Variants in IGF1R observed in about 807,000 individuals in gnomAD.
The protein encoded by IGF1R is insulin like growth factor 1 receptor, also known as insulin-like growth factor 1 receptor.
In IGF1R, 44 loss-of-function variants were observed where a neutral mutation model predicts 144.6. That is an observed-to-expected ratio of 0.30 (90% CI 0.24 to 0.39). The LOEUF is 0.39. IGF1R is among the 10% of genes least tolerant of loss of function. IGF1R has a pLI of 1.00. For missense variants in IGF1R, 1,355 were observed against 1,833.7 expected (o/e 0.74, Z 4.77); for synonymous variants, 795 against 722.8 (o/e 1.10, Z -1.60).
chr15:98,783,481 A>G (rs975862023), intron 2 of IGF1R, among the ~76,000 whole-genome samples: 1 of 152,162 alleles, frequency 6.6e-6, no homozygotes, highest in African/African-American at 2.4e-5. Flanking sequence ...GTGTTTATCA[A>G]TAGTTTGTTT....
rs2017143262 is a variant in IGF1R, at chr15:98,959,562, C to T, written c.*2120C>T. The T allele has an allele frequency of 8.6e-6, 2 of 233,628 alleles. No homozygotes were observed. The highest frequency in any genetic ancestry group is 1.7e-5 in the Non-Finnish European group (2 of 118,030). 14.5% of individuals were successfully genotyped at this position (233,628 alleles called of 1,614,324 possible). ...GGCCCAAGAGCCCCTTTGCTTCTTG[C>T]TGGGGGACCAGGGCTGTGGTGCTGG... On this transcript the variant is annotated 3_prime_UTR_variant, in exon 21 of 21. Coordinates refer to ENST00000650285, the MANE Select transcript of IGF1R (RefSeq NM_000875.5).
rs906092584 is a variant in IGF1R at position 98,648,765 on chromosome 15, C to T, written c.-817C>T. ...CCCGGATCCCCCCGCGCCCTCCACG[C>T]CCCTCCCGCGCGGGGGCAGCTCCAC... On this transcript the variant is annotated 5_prime_UTR_variant, in exon 1 of 21. Transcript: ENST00000650285. 2.7e-5 allele frequency among the ~76,000 whole-genome samples: 4 copies of T among 147,138 alleles called. No individual in the cohort carries two copies. Among genetic ancestry groups the T allele is most frequent in the Non-Finnish European group, 6.0e-5 (4 of 66,280 alleles).
At chr15:98,701,380 A>G (rs1187347975) in intron 1 of IGF1R, among the ~76,000 whole-genome samples, 1 of 118,560 alleles carries the variant, frequency 8.4e-6, no homozygotes, top group African/African-American at 3.4e-5. Context: ...TCTGTCACCC[A>G]GGCTGGAGTG....
At chr15:98,650,571 C>T (rs1596139595) in intron 1 of IGF1R, among the ~76,000 whole-genome samples, 1 of 152,196 alleles carries the variant, frequency 6.6e-6, no homozygotes. Flanking sequence ...GGTGTGTGGT[C>T]GGAGCCGACG....
chr15:98,939,281 C>G lies in IGF1R; in HGVS notation c.3378C>G (p.Leu1126=). The change falls in exon 18 of 21, where the codon CTC becomes CTG. Residue 1126 remains leucine (L), a synonymous_variant. Transcript: ENST00000650285. The part of the protein sequence containing the change: ...AGEIADGMAY[L]NANKFVHRDL... ...AGATTGCAGACGGCATGGCATACCTCAACGCCAATAAGTTCGTCCACAGAG... is the reference window on the plus strand; with the variant it reads ...AGATTGCAGACGGCATGGCATACCTGAACGCCAATAAGTTCGTCCACAGAG... 6.2e-7 allele frequency: 1 copy of G among 1,613,752 alleles called. No homozygotes were observed.
Position 98,661,956 on chromosome 15 carries a change from C to CTTTT in IGF1R, c.94+12304_94+12307dup, listed in dbSNP as rs869208651. 1.6e-3 allele frequency among the ~76,000 whole-genome samples: 164 copies of CTTTT among 105,712 alleles called. 15 individuals carry two copies. The highest frequency in any genetic ancestry group is 6.9e-3 in the African/African-American group (154 of 22,332). 69.4% of individuals were successfully genotyped at this position (105,712 alleles called of 152,430 possible). ...GAATTGCTGCCAGTTGAATAGGGCCCTTTTTTTTTTTTTTTTTTTTTTTTT... is the reference window on the plus strand; with the variant it reads ...GAATTGCTGCCAGTTGAATAGGGCCCTTTTTTTTTTTTTTTTTTTTTTTTTTTTT... On this transcript the variant is annotated intron_variant, in intron 1 of 20. Transcript: ENST00000650285.
intron 2 of IGF1R, among the ~76,000 whole-genome samples, chr15:98,762,302 C>T (rs768283270): frequency 2.1e-4 from 30 of 145,426 alleles, no homozygotes; most frequent in Non-Finnish European, 3.9e-4. Context: ...CACTGGCACG[C>T]GCATAGCCCA....
At chr15:98,821,132 A>G (rs2056793851) in intron 2 of IGF1R, among the ~76,000 whole-genome samples, 2 of 152,198 alleles carry the variant, frequency 1.3e-5, no homozygotes, top group Admixed American at 1.3e-4. Context: ...AAAATGAAGA[A>G]AAACAAAAAT....
rs952189154 is a variant in IGF1R, at chr15:98,653,504, A to G, written c.94+3829A>G. Among the ~76,000 whole-genome samples, 32 of 152,326 alleles carry G rather than the reference A, an allele frequency of 2.1e-4. 1 individual carries two copies. The highest frequency in any genetic ancestry group is 3.4e-4 in the Non-Finnish European group (23 of 68,026). On this transcript the variant is annotated intron_variant, in intron 1 of 20. Transcript: ENST00000650285. ...TTTGCAGTTTTATTTTATTTCTTACATAGTTCCAGGGTCTGAGCAGGAGAA... is the reference window on the plus strand; with the variant it reads ...TTTGCAGTTTTATTTTATTTCTTACGTAGTTCCAGGGTCTGAGCAGGAGAA...
chr15:98,673,504 TTTAG>T (rs1477600287), intron 1 of IGF1R, among the ~76,000 whole-genome samples: 1 of 152,242 alleles, frequency 6.6e-6, no homozygotes, highest in African/African-American at 2.4e-5. Context: ...GCAGTGACTT[TTTAG>T]TTGTTTCATT....
chr15:98,874,429 C>G lies in IGF1R; in HGVS notation c.641-16896C>G, dbSNP rs1596382890. Among the ~76,000 whole-genome samples the G allele has an allele frequency of 2.0e-5, 3 of 152,096 alleles. No homozygotes were observed. The South Asian group carries it at 6.2e-4, about 32-fold the overall frequency. The stretch of plus-strand genomic sequence containing the variant: ...GAAATTGGAGGAGGGCAGTCCATTT[C>G]AACATTTCCAACAGTATTAAAGAAA... On this transcript the variant is annotated intron_variant, in intron 2 of 20. Coordinates refer to ENST00000650285, the MANE Select transcript of IGF1R (RefSeq NM_000875.5).
In IGF1R at chr15:98,929,542, C is replaced by T. The variant is rs1596462858; in HGVS notation, c.2783-16C>T. ...TCACCTGGTGATATTTTATCATTTCCTCCTCTTTGCTGCAGCAGGATATGA... is the reference window on the plus strand; with the variant it reads ...TCACCTGGTGATATTTTATCATTTCTTCCTCTTTGCTGCAGCAGGATATGA... On this transcript the variant is annotated splice_polypyrimidine_tract_variant and intron_variant, in intron 13 of 20. Coordinates refer to ENST00000650285, the MANE Select transcript of IGF1R (RefSeq NM_000875.5). The T allele has an allele frequency of 6.3e-7, 1 of 1,589,704 alleles. No homozygotes were observed. The highest frequency in any genetic ancestry group is 8.6e-7 in the Non-Finnish European group (1 of 1,157,926).
chr15:98,805,861 C>G (rs2056460330), intron 2 of IGF1R, among the ~76,000 whole-genome samples: 1 of 152,146 alleles, frequency 6.6e-6, no homozygotes, highest in Non-Finnish European at 1.5e-5. Context: ...GTCTAACTCT[C>G]CAGACACCAA....
At chr15:98,675,995 TTTTA>T (rs2053032771) in intron 1 of IGF1R, among the ~76,000 whole-genome samples, 1 of 151,446 alleles carries the variant, frequency 6.6e-6, no homozygotes, top group African/African-American at 2.4e-5. Context: ...CTGGCTATTT[TTTTA>T]TTGTATTTTT....
chr15:98,883,388 G>A (rs1361836269), intron 2 of IGF1R, among the ~76,000 whole-genome samples: 1 of 152,190 alleles, frequency 6.6e-6, no homozygotes, highest in African/African-American at 2.4e-5. Context: ...TGTCTTTACT[G>A]TGTGTATGTG....
At position 98,649,588 on chromosome 15, in the gene IGF1R, T is replaced by C. The variant is rs2052295273; in HGVS notation, c.7T>C (p.Ser3Pro). 1.3e-6 allele frequency: 2 copies of C among 1,572,946 alleles called. No individual in the cohort carries two copies. Among genetic ancestry groups the C allele is most frequent in the South Asian group, 1.1e-5 (1 of 89,884 alleles). The change falls in exon 1 of 21, where the codon TCT becomes CCT. Residue 3 changes from serine to proline, a missense_variant. Physicochemically the swap from Ser to Pro is moderately conservative, Grantham distance 74 (BLOSUM62 -1). This residue lies in a region of IGF1R where 49 missense variants were observed against 34.7 expected (regional missense o/e 1.41). Coordinates refer to ENST00000650285, the MANE Select transcript of IGF1R (RefSeq NM_000875.5). Reference protein sequence around the residue: MKSGSGGGSPTSL... With the variant: MKPGSGGGSPTSL... ...TTCATCCCAAATAAAAGGAATGAAGTCTGGCTCCGGAGGAGGGTCCCCGAC... is the reference window on the plus strand; with the variant it reads ...TTCATCCCAAATAAAAGGAATGAAGCCTGGCTCCGGAGGAGGGTCCCCGAC...
chr15:98,741,595 C>T (rs2054746484), intron 2 of IGF1R, among the ~76,000 whole-genome samples: 1 of 152,202 alleles, frequency 6.6e-6, no homozygotes, highest in African/African-American at 2.4e-5. Context: ...TCAGGTGCTG[C>T]ATTTCTGCAC....
chr15:98,726,750 G>C (rs1026795508), intron 2 of IGF1R, among the ~76,000 whole-genome samples: 3 of 98,650 alleles, frequency 3.0e-5, no homozygotes, highest in Non-Finnish European at 5.7e-5. Context: ...ATAGAGTCTT[G>C]CTCTTGTCAC....
Position 98,957,507 on chromosome 15 carries a change from A to G in IGF1R, c.*65A>G, listed in dbSNP as rs1372650592. 5 of 1,603,208 alleles carry G rather than the reference A, an allele frequency of 3.1e-6. No individual in the cohort carries two copies. The highest frequency in any genetic ancestry group is 8.5e-7 in the Non-Finnish European group (1 of 1,174,082). ...CACGCGCAGCGGGGTGGGGGGGGAGAGAGAGTTTTAACAATCCATTCACAA... is the reference window on the plus strand; with the variant it reads ...CACGCGCAGCGGGGTGGGGGGGGAGGGAGAGTTTTAACAATCCATTCACAA... On this transcript the variant is annotated 3_prime_UTR_variant, in exon 21 of 21. Transcript: ENST00000650285.
Sources: allele counts gnomAD v4.1 joint callset (sites outside exome capture counted in the v4.1 genomes callset), GRCh38; gene constraint gnomAD v4.1.1; regional missense constraint gnomAD v4.1.1; transcripts MANE v1.5; gene names NCBI Gene and HGNC (gene_info 2026-07-23, HGNC 2026-07-21).